PKHD1: variants seen among roughly 807,000 people sequenced by gnomAD.
The protein encoded by PKHD1 is fibrocystin.
PKHD1 carries 291 observed loss-of-function variants against 412.0 expected under a neutral mutation model. That is an observed-to-expected ratio of 0.71 (90% CI 0.64 to 0.78). The LOEUF (loss-of-function observed/expected upper bound fraction) is 0.78, where lower values mean the gene tolerates loss of function less well. Among genes scored for constraint, PKHD1 ranks in the 30% least tolerant of loss-of-function variants. PKHD1 has a pLI of 0.00. For synonymous variants in PKHD1, 1,777 were observed against 1,821.5 expected, an observed-to-expected ratio of 0.98 and a Z score of 0.62; for missense variants, 4,825 against 4,950.7, an observed-to-expected ratio of 0.97 and a Z score of 0.76.
At chr6:51,969,867 T>G (rs1182823715) in intron 35 of PKHD1, among the ~76,000 whole-genome samples, 1 of 152,218 alleles carries the variant, frequency 6.6e-6, no homozygotes, top group Non-Finnish European at 1.5e-5. Flanking sequence ...ATTCCATATC[T>G]TTGCTATTGT....
intron 35 of PKHD1, among the ~76,000 whole-genome samples, chr6:51,965,210 A>G: frequency 6.6e-6 from 1 of 152,162 alleles, no homozygotes; most frequent in Admixed American, 6.6e-5. Context: ...GAAAAATACA[A>G]ATAGCCAGAT....
rs1158545191 is a variant in PKHD1, at chr6:51,878,862, ACCC to A, written c.7350+4228_7350+4230del. On this transcript the variant is annotated intron_variant, in intron 46 of 66. Transcript: ENST00000371117. ...GATGACATGATTGTTTATCTAGAAA[ACCC>A]CATCGTCTCAGCCCAAAATCTCCTT... 3.7e-5 allele frequency among the ~76,000 whole-genome samples: 2 copies of A among 53,712 alleles called. 1 individual carries two copies. Among genetic ancestry groups the A allele is most frequent in the Non-Finnish European group, 6.1e-5 (2 of 32,840 alleles). The allele number at this position is 53,712 out of a possible 152,430, so 35.2% of individuals were successfully genotyped here.
At chr6:51,865,168 G>T (rs376149253) in intron 48 of PKHD1, among the ~76,000 whole-genome samples, 1 of 152,066 alleles carries the variant, frequency 6.6e-6, no homozygotes, top group African/African-American at 2.4e-5. Context: ...GAATACCTGC[G>T]GCTTCTACAG....
At chr6:52,072,210 A>C in intron 7 of PKHD1, 21 bp from the exon 8 acceptor site, 1 of 1,486,262 alleles carries the variant, frequency 6.7e-7, no homozygotes, top group Non-Finnish European at 9.4e-7. Context: ...AAAAAAATGA[A>C]AACAAAAGAC....
At chr6:51,715,532 C>A (rs1781153830) in intron 60 of PKHD1, among the ~76,000 whole-genome samples, 1 of 152,144 alleles carries the variant, frequency 6.6e-6, no homozygotes. Context: ...ACAACCTGGT[C>A]TGATGAAGAC....
chr6:51,936,794 CTG>C (rs34454333), intron 36 of PKHD1, among the ~76,000 whole-genome samples: 106,714 of 151,716 alleles, frequency 0.7, 38,011 homozygotes, highest in East Asian at 0.94. Flanking sequence ...AAAATAGACT[CTG>C]TAGCAATAAG....
chr6:51,654,966 T>C (rs1771575380), intron 61 of PKHD1, among the ~76,000 whole-genome samples: 1 of 152,126 alleles, frequency 6.6e-6, no homozygotes, highest in Non-Finnish European at 1.5e-5. Flanking sequence ...GGAACAATTT[T>C]TAATTGTATG....
chr6:51,961,743 C>A (rs978088412), intron 35 of PKHD1, among the ~76,000 whole-genome samples: 1 of 151,982 alleles, frequency 6.6e-6, no homozygotes, highest in Non-Finnish European at 1.5e-5. Context: ...CAGGGTGAAC[C>A]AGGTTATCTG....
chr6:52,018,699 G>C (rs1181574226), intron 33 of PKHD1, among the ~76,000 whole-genome samples: 1 of 152,110 alleles, frequency 6.6e-6, no homozygotes, highest in Non-Finnish European at 1.5e-5. Context: ...TATTTTAGCA[G>C]AGAGAGGGTT....
intron 36 of PKHD1, among the ~76,000 whole-genome samples, chr6:51,953,078 C>CA (rs1198556909): frequency 8.5e-5 from 13 of 152,052 alleles, no homozygotes; most frequent in African/African-American, 3.1e-4. Flanking sequence ...GTTTGCTGAC[C>CA]AAACTGCAAT....
At chr6:52,055,255 G>T (rs1807531347) in intron 19 of PKHD1, among the ~76,000 whole-genome samples, 1 of 152,180 alleles carries the variant, frequency 6.6e-6, no homozygotes, top group Non-Finnish European at 1.5e-5. Flanking sequence ...GACATGGAAG[G>T]TACATTGGGT....
In PKHD1 at chr6:51,870,558, C is replaced by G. The variant is rs926817243; in HGVS notation, c.7432G>C (p.Asp2478His). ...MVSNTTFVNF[D>H]LINCVAIRTC... ...CTAATGGCCACACAGTTGATGAGAT[C>G]AAAATTAACAAAGGTTGTGTTAGAC... The change falls in exon 47 of 67, where the codon GAT becomes CAT. Residue 2478 changes from aspartate to histidine, a missense_variant. Asp to His is a moderately conservative substitution (Grantham distance 81). Transcript: ENST00000371117. 1.9e-6 allele frequency: 3 copies of G among 1,611,092 alleles called. No homozygotes were observed. In the African/African-American group the frequency reaches 4.0e-5, roughly 22 times the overall value.
chr6:51,900,508 T>A (rs1175187557), intron 43 of PKHD1, among the ~76,000 whole-genome samples: 1 of 152,176 alleles, frequency 6.6e-6, no homozygotes, highest in Non-Finnish European at 1.5e-5. Flanking sequence ...TACACCTTAT[T>A]CAAAAATCAA....
intron 23 of PKHD1, among the ~76,000 whole-genome samples, chr6:52,047,520 CT>C (rs1343253965): frequency 6.6e-6 from 1 of 152,192 alleles, no homozygotes; most frequent in East Asian, 1.9e-4. Context: ...CACTTCTAAT[CT>C]TTGTTCTTTG....
chr6:51,664,241 C>A (rs760900058), intron 60 of PKHD1, among the ~76,000 whole-genome samples: 1 of 152,086 alleles, frequency 6.6e-6, no homozygotes, highest in Non-Finnish European at 1.5e-5. Context: ...ATCCAAAGTT[C>A]CCCATTCCAC....
chr6:51,989,047 T>C (rs942360684), intron 35 of PKHD1, among the ~76,000 whole-genome samples: 6 of 152,172 alleles, frequency 3.9e-5, no homozygotes, highest in African/African-American at 1.2e-4. Context: ...CTTCCCAGAG[T>C]TGCTTTTGGA....
At chr6:51,729,162 T>A (rs1209723492) in intron 60 of PKHD1, among the ~76,000 whole-genome samples, 3 of 152,256 alleles carry the variant, frequency 2.0e-5, no homozygotes, top group Non-Finnish European at 2.9e-5. Context: ...CCTTCCTTCA[T>A]GGCAATGACT....
chr6:51,744,822 T>C (rs1324590988), intron 59 of PKHD1, among the ~76,000 whole-genome samples: 2 of 152,174 alleles, frequency 1.3e-5, no homozygotes, highest in East Asian at 3.8e-4. Context: ...CAATAAAGTG[T>C]TCCTCTCATA....
At chr6:52,018,205 A>G (rs1192729453) in intron 33 of PKHD1, among the ~76,000 whole-genome samples, 1 of 152,150 alleles carries the variant, frequency 6.6e-6, no homozygotes, top group African/African-American at 2.4e-5. Flanking sequence ...TTATCAATGA[A>G]CTTTTTGGTA....
Sources: gnomAD v4.1 joint callset for allele counts (sites outside exome capture counted in the v4.1 genomes callset) on GRCh38, gnomAD v4.1.1 for gene constraint, MANE v1.5 for transcripts, NCBI Gene and HGNC (gene_info 2026-07-23, HGNC 2026-07-21) for gene names.